Variants in KCNQ3 observed in about 807,000 individuals in gnomAD.
The protein encoded by KCNQ3 is potassium voltage-gated channel subfamily KQT member 3.
KCNQ3 carries 30 observed loss-of-function variants against 92.5 expected under a neutral mutation model. That is an observed-to-expected ratio of 0.32 (90% confidence interval 0.24 to 0.44). KCNQ3 has a LOEUF of 0.44. Ranked by LOEUF, KCNQ3 falls within the 20% of genes least tolerant of loss-of-function variation. The pLI, the probability that KCNQ3 is intolerant of heterozygous loss-of-function variation, is 1.00. For missense variants in KCNQ3, 913 were observed against 1,140.3 expected (o/e 0.80, Z 2.87); for synonymous variants, 450 against 468.8 (o/e 0.96, Z 0.52).
chr8:132,356,927 C>T (rs549679717), intron 1 of KCNQ3, among the ~76,000 whole-genome samples: 1 of 152,208 alleles, frequency 6.6e-6, no homozygotes, highest in African/African-American at 2.4e-5. Flanking sequence ...GATTAGATGT[C>T]TTTTAAAATA....
chr8:132,375,937 G>A (rs1426195349), intron 1 of KCNQ3, among the ~76,000 whole-genome samples: 1 of 152,160 alleles, frequency 6.6e-6, no homozygotes, highest in African/African-American at 2.4e-5. Flanking sequence ...CAATTATTCA[G>A]GTTAGAAATC....
Position 132,189,348 on chromosome 8 carries a change from C to T in KCNQ3, c.387-3167G>A, listed in dbSNP as rs568149694. 2.9e-4 allele frequency among the ~76,000 whole-genome samples: 44 copies of T among 152,288 alleles called. No homozygotes were observed. The South Asian group carries it at 8.9e-3, about 31-fold the overall frequency. Reference sequence around the variant, plus strand: ...TTCTACTCCAGCATGGACAACAACCCGTTATCATCTTGTAATTGTTTGCGC... The same window carrying T: ...TTCTACTCCAGCATGGACAACAACCTGTTATCATCTTGTAATTGTTTGCGC... On this transcript the variant is annotated intron_variant, in intron 1 of 14. Transcript: ENST00000388996.
At chr8:132,291,559 G>A (rs1174802153) in intron 1 of KCNQ3, among the ~76,000 whole-genome samples, 4 of 152,102 alleles carry the variant, frequency 2.6e-5, no homozygotes, top group East Asian at 1.9e-4. Flanking sequence ...ATGCAACCAC[G>A]CTTAGCTCAG....
intron 9 of KCNQ3, among the ~76,000 whole-genome samples, chr8:132,160,072 C>G (rs1359896149): frequency 6.6e-6 from 1 of 152,130 alleles, no homozygotes; most frequent in South Asian, 2.1e-4. Flanking sequence ...GGGATAGAGA[C>G]AGGGTCAGGG....
intron 1 of KCNQ3, among the ~76,000 whole-genome samples, chr8:132,372,331 T>C (rs904678508): frequency 6.6e-6 from 1 of 152,238 alleles, no homozygotes; most frequent in Non-Finnish European, 1.5e-5. Context: ...GTCTTATTTC[T>C]GATACTCACT....
Position 132,184,237 on chromosome 8 carries a change from T to C in KCNQ3, c.604+4A>G, listed in dbSNP as rs763405673. On this transcript the variant is annotated splice_donor_region_variant and intron_variant, in intron 3 of 14. Coordinates refer to ENST00000388996, the MANE Select transcript of KCNQ3 (RefSeq NM_004519.4). ...AGGCTGGGAGGCTCAGGGTCAGGAC[T>C]TACCCAACATGCACAGGGGCTTCCT... 1 of 1,614,138 alleles carries C rather than the reference T, an allele frequency of 6.2e-7. No individual in the cohort carries two copies. Among genetic ancestry groups the C allele is most frequent in the Non-Finnish European group, 8.5e-7 (1 of 1,180,018 alleles).
chr8:132,172,573 C>T (rs1405123365), intron 7 of KCNQ3, 25 bp downstream of exon 7: 1 of 1,592,150 alleles, frequency 6.3e-7, no homozygotes, highest in East Asian at 2.2e-5. Context: ...TAATCCCATT[C>T]CAGTTCATTC....
chr8:132,172,428 AC>A (rs1826401798), intron 7 of KCNQ3, among the ~76,000 whole-genome samples, 169 bp downstream of exon 7: 1 of 151,744 alleles, frequency 6.6e-6, no homozygotes, highest in Non-Finnish European at 1.5e-5. Context: ...ACACACACAC[AC>A]ACACACAGAC....
chr8:132,292,302 C>T (rs1454606786), intron 1 of KCNQ3, among the ~76,000 whole-genome samples: 2 of 152,080 alleles, frequency 1.3e-5, no homozygotes, highest in African/African-American at 4.8e-5. Flanking sequence ...AAGAAGTGTT[C>T]TTGAGATTTA....
chr8:132,452,425 C>T (rs753274193), intron 1 of KCNQ3, among the ~76,000 whole-genome samples: 9 of 152,182 alleles, frequency 5.9e-5, no homozygotes, highest in Non-Finnish European at 1.3e-4. Flanking sequence ...GTCAGAAATG[C>T]TTTCATTTTA....
At chr8:132,189,799 C>T (rs568090758) in intron 1 of KCNQ3, among the ~76,000 whole-genome samples, 1 of 146,838 alleles carries the variant, frequency 6.8e-6, no homozygotes, top group South Asian at 2.2e-4. Context: ...GCACTCCAAC[C>T]TGGGCAACAA....
chr8:132,218,187 G>T (rs1814103543), intron 1 of KCNQ3, among the ~76,000 whole-genome samples: 2 of 152,160 alleles, frequency 1.3e-5, no homozygotes, highest in African/African-American at 4.8e-5. Flanking sequence ...CCTGGCATAG[G>T]TGCAACCCAC....
Position 132,129,807 on chromosome 8 carries a change from G to A in KCNQ3, c.2074C>T (p.Pro692Ser), listed in dbSNP as rs1131691408. 4 of 1,614,024 alleles carry A rather than the reference G, an allele frequency of 2.5e-6. No individual in the cohort carries two copies. Among genetic ancestry groups the A allele is most frequent in the East Asian group, 4.5e-5 (2 of 44,882 alleles). Reference protein sequence around the residue: ...TIICNYSETGPPEPPYSFHQV... With the variant: ...TIICNYSETGSPEPPYSFHQV... ...TGGAAGCTGTAGGGTGGTTCCGGGGGGCCTGTCTCAGAATAGTTGCAGATG... is the reference window on the plus strand; with the variant it reads ...TGGAAGCTGTAGGGTGGTTCCGGGGAGCCTGTCTCAGAATAGTTGCAGATG... Residue 692 changes from proline (P) to serine (S), a missense_variant, in exon 15 of 15, where the codon CCC becomes TCC. Coordinates refer to ENST00000388996, the MANE Select transcript of KCNQ3 (RefSeq NM_004519.4). This position sits in a 1 kb window ranked among gnomAD's most constrained non-coding sequence, Gnocchi z 5.9.
chr8:132,365,462 AC>A (rs1819295213), intron 1 of KCNQ3, among the ~76,000 whole-genome samples: 1 of 152,350 alleles, frequency 6.6e-6, no homozygotes, highest in African/African-American at 2.4e-5. Context: ...CAGTTGCTTC[AC>A]AATGTAGCAC....
intron 1 of KCNQ3, among the ~76,000 whole-genome samples, chr8:132,426,194 T>G (rs185976398): frequency 6.6e-6 from 1 of 152,230 alleles, no homozygotes; most frequent in African/African-American, 2.4e-5. Context: ...AGGATCAATA[T>G]GGCGGGCTGC....
intron 5 of KCNQ3, among the ~76,000 whole-genome samples, chr8:132,174,850 C>G (rs1826496489): frequency 6.6e-6 from 1 of 152,220 alleles, no homozygotes; most frequent in Admixed American, 6.5e-5. Flanking sequence ...GAGCAGTTGA[C>G]AGTGTGGCCT....
intron 1 of KCNQ3, among the ~76,000 whole-genome samples, chr8:132,417,910 C>G (rs1412809657): frequency 6.6e-6 from 1 of 152,130 alleles, no homozygotes; most frequent in Non-Finnish European, 1.5e-5. Flanking sequence ...GGTCTGGAGA[C>G]CCATGAGCCA....
intron 1 of KCNQ3, among the ~76,000 whole-genome samples, chr8:132,442,500 G>A (rs1821563969): frequency 6.6e-6 from 1 of 152,218 alleles, no homozygotes; most frequent in South Asian, 2.1e-4. Flanking sequence ...GCCTAGCACA[G>A]AGTCTGGCAA....
chr8:132,358,889 A>C (rs1168467192), intron 1 of KCNQ3, among the ~76,000 whole-genome samples: 2 of 152,240 alleles, frequency 1.3e-5, no homozygotes, highest in Non-Finnish European at 2.9e-5. Flanking sequence ...ATAAGGGTTC[A>C]GAAGGGTAGT....
Sources: gnomAD v4.1 joint callset for allele counts (sites outside exome capture counted in the v4.1 genomes callset) on GRCh38, gnomAD v4.1.1 for gene constraint, Gnocchi (gnomAD v3.1) non-coding constraint, MANE v1.5 for transcripts, NCBI Gene and HGNC (gene_info 2026-07-23, HGNC 2026-07-21) for gene names.